AOX1: variants seen among roughly 807,000 people sequenced by gnomAD.
AOX1 encodes aldehyde oxidase.
AOX1 carries 153 observed loss-of-function variants against 169.5 expected under a neutral mutation model. The observed-to-expected ratio is 0.90, with a 90% CI of 0.79 to 1.03. The LOEUF is 1.03. Ranked by LOEUF, AOX1 falls within the 50% of genes least tolerant of loss-of-function variation. The pLI is 0.00. For synonymous variants in AOX1, 562 were observed against 581.9 expected (o/e 0.97, Z 0.49); for missense variants, 1,656 against 1,663.9 (o/e 1.00, Z 0.08).
chr2:200,642,791 C>G lies in AOX1; in HGVS notation c.2837C>G (p.Ser946Cys). 6.2e-7 allele frequency: 1 copy of G among 1,613,066 alleles called. No homozygotes were observed. The highest frequency in any genetic ancestry group is 1.1e-5 in the South Asian group (1 of 90,840). ...ITEVAAKCGL[S>C]PEKVRIINMY... ...GAAGTTGCAGCCAAATGTGGACTAT[C>G]CCCTGAGAAGGTAATACTAAATCAG... Residue 946 changes from serine to cysteine, a missense_variant, in exon 25 of 35, where the codon TCC becomes TGC. Transcript: ENST00000374700.
intron 29 of AOX1, 135 bp downstream of exon 29, chr2:200,660,204 A>C (rs1574960460): frequency 2.5e-5 from 18 of 717,430 alleles, no homozygotes; most frequent in Non-Finnish European, 4.2e-5. Flanking sequence ...GATAAATAAA[A>C]GGCCCTTTGG....
intron 4 of AOX1, among the ~76,000 whole-genome samples, chr2:200,599,298 T>C (rs1295054618): frequency 6.6e-6 from 1 of 152,240 alleles, no homozygotes; most frequent in East Asian, 1.9e-4. Flanking sequence ...TTAAAAGATG[T>C]ATGCCCGTGC....
At chr2:200,637,427 C>T (rs2035257498) in intron 22 of AOX1, among the ~76,000 whole-genome samples, 1 of 151,894 alleles carries the variant, frequency 6.6e-6, no homozygotes, top group African/African-American at 2.4e-5. Flanking sequence ...TACATATAAA[C>T]CATGTACCTA....
At chr2:200,662,310 C>G (rs916276981) in intron 30 of AOX1, among the ~76,000 whole-genome samples, 3 of 152,172 alleles carry the variant, frequency 2.0e-5, no homozygotes, top group Non-Finnish European at 2.9e-5. Context: ...GTTCTGCAAG[C>G]TGCTGACCCA....
At chr2:200,671,692 T>C (rs531406414), downstream of AOX1, among the ~76,000 whole-genome samples, 26 of 152,254 alleles carry the variant, frequency 1.7e-4, no homozygotes, top group African/African-American at 6.0e-4. Context: ...ATGGGAACAC[T>C]TATCCATTGC....
chr2:200,586,088 C>A lies in AOX1; in HGVS notation c.-21C>A, dbSNP rs753986149. 2.6e-6 allele frequency: 4 copies of A among 1,552,486 alleles called. No individual in the cohort carries two copies. The highest frequency in any genetic ancestry group is 3.5e-6 in the Non-Finnish European group (4 of 1,149,198). On this transcript the variant is annotated 5_prime_UTR_variant, in exon 1 of 35. Transcript: ENST00000374700. Reference sequence around the variant, plus strand: ...ACCTCCGCCTCCCGCTCCGGGCCCTCGAACCAGCGCGGACACCACAATGGA... The same window carrying A: ...ACCTCCGCCTCCCGCTCCGGGCCCTAGAACCAGCGCGGACACCACAATGGA...
intron 25 of AOX1, among the ~76,000 whole-genome samples, chr2:200,648,258 A>T (rs1248132536): frequency 6.6e-6 from 1 of 152,064 alleles, no homozygotes; most frequent in Non-Finnish European, 1.5e-5. Context: ...GCTGTTGTTC[A>T]GTTTCTTTTG....
chr2:200,642,163 T>C (rs1206581984), intron 24 of AOX1, among the ~76,000 whole-genome samples: 1 of 152,000 alleles, frequency 6.6e-6, no homozygotes, highest in Non-Finnish European at 1.5e-5. Context: ...ATGTTAACAA[T>C]GAAAAATGTC....
intron 3 of AOX1, among the ~76,000 whole-genome samples, chr2:200,595,798 A>G (rs1373913238): frequency 6.6e-6 from 1 of 152,108 alleles, no homozygotes; most frequent in Non-Finnish European, 1.5e-5. Flanking sequence ...CCATCATCAC[A>G]TTCATATATT....
At chr2:200,674,082 A>C (rs1303855670), downstream of AOX1, among the ~76,000 whole-genome samples, 1 of 152,242 alleles carries the variant, frequency 6.6e-6, no homozygotes, top group Non-Finnish European at 1.5e-5. Context: ...ACAAGCCAGC[A>C]GCAGAAGCAG....
chr2:200,634,189 T>C (rs1342758282), intron 20 of AOX1, among the ~76,000 whole-genome samples: 1 of 111,730 alleles, frequency 9.0e-6, no homozygotes, highest in Non-Finnish European at 1.9e-5. Context: ...TTTTTTTTTT[T>C]GTCTTTGCCT....
At chr2:200,660,189 G>A (rs2035793283) in intron 29 of AOX1, 120 bp downstream of exon 29, 1 of 793,536 alleles carries the variant, frequency 1.3e-6, no homozygotes, top group Admixed American at 2.5e-5. Context: ...CCACCATTGT[G>A]TAATGATAAA....
intron 27 of AOX1, among the ~76,000 whole-genome samples, chr2:200,657,190 A>ATATATATATATATTTTT: frequency 3.5e-4 from 22 of 62,880 alleles, no homozygotes; most frequent in Admixed American, 1.4e-3. Context: ...ATATATATAT[A>ATATATATATATATTTTT]TTTTTTTTTT....
At chr2:200,668,840 A>T in intron 33 of AOX1, 37 bp downstream of exon 33, 1 of 1,571,338 alleles carries the variant, frequency 6.4e-7, no homozygotes, top group Middle Eastern at 1.7e-4. Context: ...GCATGTTTAT[A>T]TGATACCTGT....
rs1432447344 is a variant in AOX1 at position 200,667,298 on chromosome 2, A to T, written c.3609+546A>T. Reference sequence around the variant, plus strand: ...CACTGGATCCTCATTTCCATGAGTGAAGTCGGTGGGCTGTACCTTTAGAGT... The same window carrying T: ...CACTGGATCCTCATTTCCATGAGTGTAGTCGGTGGGCTGTACCTTTAGAGT... On this transcript the variant is annotated intron_variant, in intron 32 of 34. Transcript: ENST00000374700. Among the ~76,000 whole-genome samples the T allele has an allele frequency of 3.3e-5, 5 of 152,312 alleles. No homozygotes were observed. In the South Asian group the frequency reaches 1.0e-3, roughly 32 times the overall value.
At chr2:200,666,104 CT>C (rs2035920082) in intron 31 of AOX1, among the ~76,000 whole-genome samples, 1 of 152,208 alleles carries the variant, frequency 6.6e-6, no homozygotes, top group Admixed American at 6.5e-5. Context: ...TACTAACACT[CT>C]GGCTGGGCCT....
intron 10 of AOX1, among the ~76,000 whole-genome samples, chr2:200,607,954 C>G (rs967579765): frequency 6.6e-6 from 1 of 152,050 alleles, no homozygotes; most frequent in Non-Finnish European, 1.5e-5. Context: ...ACAACACATA[C>G]CGGGGCCTGT....
intron 24 of AOX1, among the ~76,000 whole-genome samples, chr2:200,642,291 A>G (rs1181309788): frequency 6.6e-6 from 1 of 152,204 alleles, no homozygotes; most frequent in Admixed American, 6.5e-5. Context: ...CCAGGATATT[A>G]TATTCATTAC....
Position 200,669,604 on chromosome 2 carries a change from G to A in AOX1, c.3828G>A (p.Gly1276=). ...KGLGESGVFL[G]CSVFFAIHDA... Reference sequence around the variant, plus strand: ...TGGGAGAGTCGGGGGTGTTCCTGGGGTGTTCCGTGTTTTTCGCTATCCATG... The same window carrying A: ...TGGGAGAGTCGGGGGTGTTCCTGGGATGTTCCGTGTTTTTCGCTATCCATG... The change falls in exon 34 of 35, where the codon GGG becomes GGA. Residue 1276 remains glycine (G), a synonymous_variant. Transcript: ENST00000374700. 1.9e-6 allele frequency: 3 copies of A among 1,614,004 alleles called. No individual in the cohort carries two copies. Among genetic ancestry groups the A allele is most frequent in the South Asian group, 2.2e-5 (2 of 91,072 alleles).
Sources: allele counts gnomAD v4.1 joint callset (sites outside exome capture counted in the v4.1 genomes callset), GRCh38; gene constraint gnomAD v4.1.1; transcripts MANE v1.5; gene names NCBI Gene and HGNC (gene_info 2026-07-23, HGNC 2026-07-21).